The following SLC18A2 variants were observed in gnomAD, a reference collection of about 807,000 sequenced individuals.
The protein encoded by SLC18A2 is synaptic vesicular amine transporter.
SLC18A2 carries 33 observed loss-of-function variants against 59.2 expected under a neutral mutation model. That is an observed-to-expected ratio of 0.56 (90% CI 0.42 to 0.75). The LOEUF is 0.75. Ranked by LOEUF, SLC18A2 falls within the 30% of genes least tolerant of loss-of-function variation. The pLI is 0.00. For missense variants in SLC18A2, 569 were observed against 668.6 expected, an observed-to-expected ratio of 0.85 and a Z score of 1.64; for synonymous variants, 228 against 253.5, an observed-to-expected ratio of 0.90 and a Z score of 0.95.
At chr10:117,266,917 T>A (rs1844355105) in intron 11 of SLC18A2, 67 bp from the exon 12 acceptor site, 1 of 1,580,018 alleles carries the variant, frequency 6.3e-7, no homozygotes, top group African/African-American at 1.4e-5. Flanking sequence ...GTTTTGATTT[T>A]CATTGAAAAT....
intron 15 of SLC18A2, among the ~76,000 whole-genome samples, chr10:117,273,358 G>C (rs1476502742): frequency 6.6e-6 from 1 of 152,208 alleles, no homozygotes; most frequent in Non-Finnish European, 1.5e-5. Flanking sequence ...TCCCAGTTGA[G>C]AAGAGCTGTG....
intron 4 of SLC18A2, 29 bp from the exon 5 acceptor site, chr10:117,254,019 G>T: frequency 6.2e-7 from 1 of 1,606,668 alleles, no homozygotes; most frequent in South Asian, 1.1e-5. Flanking sequence ...CAGCACTGAT[G>T]TGCGGTCTTG....
intron 10 of SLC18A2, among the ~76,000 whole-genome samples, chr10:117,263,775 G>A (rs1245778680): frequency 2.6e-5 from 4 of 151,928 alleles, no homozygotes; most frequent in Admixed American, 2.6e-4. Flanking sequence ...AGACAAGGAT[G>A]GAGGCACACT....
chr10:117,254,557 G>A lies in SLC18A2; in HGVS notation c.700+60G>A, dbSNP rs940915315. ...AGGGGCCTGCCTGGTGCTGGACAGC[G>A]GCAGTCCTCGCCCAGTGACCCTGGC... On this transcript the variant is annotated intron_variant, in intron 6 of 15. Transcript: ENST00000644641. 19 of 1,280,910 alleles carry A rather than the reference G, an allele frequency of 1.5e-5. No homozygotes were observed. In the East Asian group the frequency reaches 2.1e-4, roughly 14 times the overall value. 79.3% of individuals were successfully genotyped at this position (1,280,910 alleles called of 1,614,324 possible).
In SLC18A2 at chr10:117,254,467, G is replaced by A. The variant is rs145374366; in HGVS notation, c.670G>A (p.Ala224Thr). The A allele has an allele frequency of 7.4e-5, 119 of 1,609,188 alleles. No individual in the cohort carries two copies. The African/African-American group carries it at 1.0e-3, about 14-fold the overall frequency. ...DEERGNVMGI[A>T]LGGLAMGVLV... ...AGAGAGAGGCAACGTCATGGGAATCGCCTTGGGAGGCCTGGCCATGGGGGT... is the reference window on the plus strand; with the variant it reads ...AGAGAGAGGCAACGTCATGGGAATCACCTTGGGAGGCCTGGCCATGGGGGT... The change falls in exon 6 of 16, where the codon GCC (alanine) becomes ACC (threonine). Residue 224 changes from alanine (A) to threonine (T), a missense_variant. This residue lies in a region of SLC18A2 where 377 missense variants were observed against 389.8 expected (regional missense o/e 0.97). Coordinates refer to ENST00000644641, the MANE Select transcript of SLC18A2 (RefSeq NM_003054.6).
intron 10 of SLC18A2, among the ~76,000 whole-genome samples, chr10:117,259,357 G>A (rs568271480): frequency 1.4e-4 from 22 of 152,316 alleles, no homozygotes; most frequent in Non-Finnish European, 2.6e-4. Flanking sequence ...ATCTTTCTGT[G>A]TATTTGCTCG....
chr10:117,257,743 C>A, intron 9 of SLC18A2, 54 bp from the exon 10 acceptor site: 1 of 1,219,588 alleles, frequency 8.2e-7, no homozygotes, highest in Non-Finnish European at 1.2e-6. Flanking sequence ...CTAACTGTGC[C>A]TGGAAATGAG....
chr10:117,241,312 A>C, intron 1 of SLC18A2, 92 bp downstream of exon 1: 1 of 170,768 alleles, frequency 5.9e-6, no homozygotes, highest in Middle Eastern at 2.7e-3. Flanking sequence ...CCCCAGAGCT[A>C]CGCGGGCGGG....
intron 15 of SLC18A2, among the ~76,000 whole-genome samples, chr10:117,272,969 G>C (rs1212519995): frequency 6.6e-6 from 1 of 152,252 alleles, no homozygotes; most frequent in African/African-American, 2.4e-5. Flanking sequence ...GAGCAGACAA[G>C]TGCTGGCGTT....
At chr10:117,251,822 T>C (rs962227800) in intron 3 of SLC18A2, among the ~76,000 whole-genome samples, 9 of 152,168 alleles carry the variant, frequency 5.9e-5, no homozygotes, top group Non-Finnish European at 1.3e-4. Flanking sequence ...TAATGACAGA[T>C]ATCATGCCTC....
At chr10:117,259,576 A>G (rs138425801) in intron 10 of SLC18A2, among the ~76,000 whole-genome samples, 13 of 152,278 alleles carry the variant, frequency 8.5e-5, no homozygotes, top group African/African-American at 3.1e-4. Flanking sequence ...ATAGTTGCAA[A>G]TATTTTACCC....
chr10:117,260,217 C>T (rs932232388), intron 10 of SLC18A2, among the ~76,000 whole-genome samples: 1 of 152,198 alleles, frequency 6.6e-6, no homozygotes, highest in African/African-American at 2.4e-5. Flanking sequence ...GAGAAACTGT[C>T]TCCTGCCAGG....
intron 6 of SLC18A2, 26 bp from the exon 7 acceptor site, chr10:117,255,251 G>A (rs1305971143): frequency 6.3e-7 from 1 of 1,597,058 alleles, no homozygotes; most frequent in Non-Finnish European, 8.6e-7. Context: ...TCCCAGGGGT[G>A]GTGTCCCCAC....
rs2133752100 is a variant in SLC18A2 at position 117,278,714 on chromosome 10, T to G, written c.*1448T>G. On this transcript the variant is annotated 3_prime_UTR_variant, in exon 16 of 16. Coordinates refer to ENST00000644641, the MANE Select transcript of SLC18A2 (RefSeq NM_003054.6). ...AGACTCCTCAATCTTGTGACTTTCT[T>G]ATTCTCTAGGAAAGTAACACTTCGT... The G allele has an allele frequency of 6.6e-6, 1 of 152,362 alleles. No homozygotes were observed. The highest frequency in any genetic ancestry group is 2.1e-4 in the South Asian group (1 of 4,828). 9.4% of individuals were successfully genotyped at this position (152,362 alleles called of 1,614,324 possible). A position where few individuals can be genotyped will look rare whatever the true frequency, so the allele number is the denominator to read the frequency against.
chr10:117,277,128 GAAGTT>G (rs1370587761), intron 15 of SLC18A2, 29 bp from the exon 16 acceptor site: 1 of 1,169,564 alleles, frequency 8.6e-7, no homozygotes, highest in African/African-American at 1.6e-5. Context: ...TATGAAACAA[GAAGTT>G]AATATACTTG....
At chr10:117,260,520 T>C (rs1432293360) in intron 10 of SLC18A2, among the ~76,000 whole-genome samples, 1 of 152,238 alleles carries the variant, frequency 6.6e-6, no homozygotes, top group East Asian at 1.9e-4. Context: ...ATAGGCTGTG[T>C]GTCTAGAATT....
chr10:117,250,794 CT>C (rs1310676901), intron 3 of SLC18A2, among the ~76,000 whole-genome samples: 3 of 152,212 alleles, frequency 2.0e-5, no homozygotes, highest in Non-Finnish European at 4.4e-5. Context: ...TGCTGGTTCC[CT>C]GCCTACAGTC....
In SLC18A2 at chr10:117,243,952, A is replaced by T; in HGVS notation, c.122-19A>T. On this transcript the variant is annotated intron_variant, in intron 2 of 15. Transcript: ENST00000644641. ...GTTTCAGTGTGATCACCACCTTGCCATTCTGCTCTTATCCCCAGTCCCCAT... is the reference window on the plus strand; with the variant it reads ...GTTTCAGTGTGATCACCACCTTGCCTTTCTGCTCTTATCCCCAGTCCCCAT... The T allele has an allele frequency of 6.3e-6, 10 of 1,597,906 alleles. No individual in the cohort carries two copies. Among genetic ancestry groups the T allele is most frequent in the African/African-American group, 2.7e-5 (2 of 74,664 alleles).
At position 117,255,541 on chromosome 10, in the gene SLC18A2, G is replaced by A; in HGVS notation, c.834+19G>A. The A allele has an allele frequency of 6.2e-7, 1 of 1,614,146 alleles. No homozygotes were observed. Among genetic ancestry groups the A allele is most frequent in the Non-Finnish European group, 8.5e-7 (1 of 1,180,032 alleles). The stretch of plus-strand genomic sequence containing the variant: ...GCCAGAGGTAAGCGGCTGGGAATGA[G>A]GGCCCTGGGGGAGGGGGCATGGTGC... On this transcript the variant is annotated intron_variant, in intron 8 of 15. Transcript: ENST00000644641.
Sources: gnomAD v4.1 joint callset for allele counts (sites outside exome capture counted in the v4.1 genomes callset) on GRCh38, gnomAD v4.1.1 for gene constraint, gnomAD v4.1.1 regional missense constraint, MANE v1.5 for transcripts, NCBI Gene and HGNC (gene_info 2026-07-23, HGNC 2026-07-21) for gene names.